The following COL21A1 variants were observed in gnomAD, a reference collection of about 807,000 sequenced individuals.
COL21A1 encodes the protein collagen alpha-1(XXI) chain.
Under a neutral mutation model 137.9 loss-of-function variants are expected in COL21A1, and 149 were observed. That is an observed-to-expected ratio of 1.08 (90% CI 0.95 to 1.24). The LOEUF is 1.24. Among genes scored for constraint, COL21A1 ranks in the 50% most tolerant of loss-of-function variants. The pLI is 0.00. For synonymous variants in COL21A1, 456 were observed against 391.5 expected, an observed-to-expected ratio of 1.16 and a Z score of -1.95; for missense variants, 1,167 against 1,158.4, an observed-to-expected ratio of 1.01 and a Z score of -0.11.
chr6:56,325,084 CATA>C (rs1455220211), intron 1 of COL21A1, among the ~76,000 whole-genome samples: 1 of 149,478 alleles, frequency 6.7e-6, no homozygotes, highest in African/African-American at 2.5e-5. Context: ...TCAAGCCCAG[CATA>C]ATAATACTCA....
At chr6:56,368,277 C>G (rs1366074440) in intron 1 of COL21A1, among the ~76,000 whole-genome samples, 3 of 152,140 alleles carry the variant, frequency 2.0e-5, no homozygotes, top group Non-Finnish European at 2.9e-5. Flanking sequence ...AAATTATTCT[C>G]TCATTTGTTG....
intron 1 of COL21A1, among the ~76,000 whole-genome samples, chr6:56,373,069 G>A (rs60268580): frequency 0.17 from 25,788 of 152,032 alleles, 2,310 homozygotes; most frequent in African/African-American, 0.19. Context: ...CATTTTGGGG[G>A]CAACAGCAGC....
At chr6:56,366,126 G>A (rs558551476) in intron 1 of COL21A1, among the ~76,000 whole-genome samples, 1 of 152,190 alleles carries the variant, frequency 6.6e-6, no homozygotes, top group African/African-American at 2.4e-5. Context: ...TTCCTTTTCT[G>A]CAATTAGATT....
chr6:56,323,617 T>C (rs1359822743), intron 1 of COL21A1, among the ~76,000 whole-genome samples: 1 of 152,086 alleles, frequency 6.6e-6, no homozygotes, highest in Non-Finnish European at 1.5e-5. Context: ...CTCAAACTTC[T>C]GAACTCGTGA....
chr6:56,113,576 C>T (rs1368409055), intron 16 of COL21A1, among the ~76,000 whole-genome samples: 3 of 152,204 alleles, frequency 2.0e-5, no homozygotes, highest in African/African-American at 7.2e-5. Flanking sequence ...CTACGTACTA[C>T]ACCAAGGGCC....
intron 28 of COL21A1, 105 bp from the exon 29 acceptor site, chr6:56,059,347 A>T: frequency 1.5e-6 from 1 of 676,732 alleles, no homozygotes; most frequent in Non-Finnish European, 2.3e-6. Flanking sequence ...TGTCTTTTAA[A>T]AACCAGCTTG....
rs568595865 is a variant in COL21A1, at chr6:56,252,793, C to T, written c.-38-70137G>A. On this transcript the variant is annotated intron_variant, in intron 1 of 28. Coordinates refer to the COL21A1 transcript ENST00000370819. ...TCAAAGAAAATCAGGATGCTGTTAC[C>T]ATAAAAAGGAAAAATGAATGCTGGG... Among the ~76,000 whole-genome samples, 8 of 152,150 alleles carry T rather than the reference C, an allele frequency of 5.3e-5. No homozygotes were observed. The South Asian group carries it at 1.7e-3, about 32-fold the overall frequency.
intron 23 of COL21A1, among the ~76,000 whole-genome samples, chr6:56,065,418 TTG>T (rs1315010257): frequency 6.6e-6 from 1 of 152,042 alleles, no homozygotes; most frequent in Non-Finnish European, 1.5e-5. Context: ...AAAGATATCA[TTG>T]TGGCCTTCAA....
intron 1 of COL21A1, among the ~76,000 whole-genome samples, chr6:56,218,187 T>C (rs1780607462): frequency 6.6e-6 from 1 of 152,106 alleles, no homozygotes. Context: ...TAGTCAAACT[T>C]TGCTGAATTA....
At chr6:56,227,991 A>T in intron 1 of COL21A1, among the ~76,000 whole-genome samples, 1 of 151,974 alleles carries the variant, frequency 6.6e-6, no homozygotes, top group East Asian at 1.9e-4. Flanking sequence ...GAAAATGCTT[A>T]AAATCACTAA....
At chr6:56,370,523 T>C (rs72875560) in intron 1 of COL21A1, among the ~76,000 whole-genome samples, 10,525 of 152,252 alleles carry the variant, frequency 0.069, 549 homozygotes, top group African/African-American at 0.14. Context: ...CTATAGCTGG[T>C]GTTATTCCTG....
chr6:56,065,351 G>A (rs1313667311), intron 23 of COL21A1, among the ~76,000 whole-genome samples: 1 of 151,956 alleles, frequency 6.6e-6, no homozygotes, highest in Admixed American at 6.6e-5. Context: ...TTAATTAAGT[G>A]AATTGCTAAC....
At chr6:56,218,533 AT>A (rs1202185020) in intron 1 of COL21A1, among the ~76,000 whole-genome samples, 2 of 152,088 alleles carry the variant, frequency 1.3e-5, no homozygotes, top group African/African-American at 4.8e-5. Flanking sequence ...GAAATTTGCC[AT>A]TTGATATTGG....
intron 1 of COL21A1, among the ~76,000 whole-genome samples, chr6:56,213,186 AT>A (rs1780283725): frequency 6.6e-6 from 1 of 152,168 alleles, no homozygotes. Context: ...TTTAAAAAAA[AT>A]TGTATACATT....
At chr6:56,317,328 T>C (rs967775674) in intron 1 of COL21A1, among the ~76,000 whole-genome samples, 9 of 152,114 alleles carry the variant, frequency 5.9e-5, no homozygotes, top group African/African-American at 2.2e-4. Context: ...ATGCAAAATA[T>C]TTTATAAGCT....
At chr6:56,287,128 G>T (rs536563144) in intron 1 of COL21A1, among the ~76,000 whole-genome samples, 40 of 152,266 alleles carry the variant, frequency 2.6e-4, no homozygotes, top group African/African-American at 8.9e-4. Context: ...GAGGCTAAAA[G>T]ATATGAAAGA....
At chr6:56,320,952 A>G (rs1764850188) in intron 1 of COL21A1, among the ~76,000 whole-genome samples, 1 of 152,136 alleles carries the variant, frequency 6.6e-6, no homozygotes, top group African/African-American at 2.4e-5. Context: ...CTTTATTTTA[A>G]ATGCCTAGAA....
chr6:56,276,680 T>C (rs143817359), intron 1 of COL21A1: 52 of 1,440,756 alleles, frequency 3.6e-5, no homozygotes, highest in African/African-American at 8.4e-5. Context: ...GCATGATCCT[T>C]GTCACAAATA....
chr6:56,364,144 G>C (rs1320054203), intron 1 of COL21A1, among the ~76,000 whole-genome samples: 1 of 152,106 alleles, frequency 6.6e-6, no homozygotes, highest in Non-Finnish European at 1.5e-5. Context: ...GTTGTCCCTT[G>C]AGTTGCTGCT....
Sources: allele counts gnomAD v4.1 joint callset (sites outside exome capture counted in the v4.1 genomes callset), GRCh38; gene constraint gnomAD v4.1.1; transcripts MANE v1.5; gene names NCBI Gene and HGNC (gene_info 2026-07-23, HGNC 2026-07-21).